Variants in PEMT observed in about 807,000 individuals in gnomAD.
PEMT encodes the protein phosphatidylethanolamine N-methyltransferase, also known as phospholipid methyltransferase.
PEMT carries 23 observed loss-of-function variants against 27.4 expected under a neutral mutation model. The ratio of observed to expected loss-of-function variants is 0.84; its 90% CI spans 0.60 to 1.19. The LOEUF is 1.19. Among genes scored for constraint, PEMT ranks in the 50% most tolerant of loss-of-function variants. The probability of loss-of-function intolerance (pLI) is 0.00; values close to 1 mark genes in which losing one functional copy is unlikely to be tolerated. For missense variants in PEMT, 307 were observed against 310.1 expected, an observed-to-expected ratio of 0.99 and a Z score of 0.07; for synonymous variants, 137 against 139.1, an observed-to-expected ratio of 0.98 and a Z score of 0.11.
In PEMT at chr17:17,582,137, C is replaced by G; in HGVS notation, c.97-5110G>C. The G allele has an allele frequency of 2.3e-6, 1 of 427,104 alleles. No homozygotes were observed. Among genetic ancestry groups the G allele is most frequent in the Non-Finnish European group, 3.1e-6 (1 of 319,678 alleles). 26.5% of individuals were successfully genotyped at this position (427,104 alleles called of 1,614,324 possible). ...CCAAAGGGCGGTCTCCCATCCACTC[C>G]CAGCCCCAACCTCCTTCATACAACA... is the stretch of plus-strand genomic sequence containing the variant. On this transcript the variant is annotated intron_variant, in intron 1 of 6. Coordinates refer to ENST00000255389, the MANE Select transcript of PEMT (RefSeq NM_148172.3). This position sits in a 1 kb window ranked among gnomAD's most constrained non-coding sequence, Gnocchi z 4.9.
chr17:17,526,442 C>G (rs59311865), intron 2 of PEMT, among the ~76,000 whole-genome samples: 2,836 of 152,366 alleles, frequency 0.019, 97 homozygotes, highest in African/African-American at 0.064. Context: ...CAGTACCCCC[C>G]ACCCCGATCC....
chr17:17,591,931 T>C, upstream of PEMT: 11 of 985,394 alleles, frequency 1.1e-5, no homozygotes, highest in South Asian at 4.2e-4. Flanking sequence ...CCAGTGCCTT[T>C]GGTCGCCGGC....
chr17:17,522,475 C>T, intron 2 of PEMT, 80 bp from the exon 3 acceptor site: 2 of 893,476 alleles, frequency 2.2e-6, no homozygotes, highest in Admixed American at 2.0e-5. Context: ...ATGCCTCTCT[C>T]TGCTTCCCAG....
Position 17,567,685 on chromosome 17 carries a change from G to C in PEMT, c.204+9235C>G, listed in dbSNP as rs187491554. Among the ~76,000 whole-genome samples, 381 of 152,360 alleles carry C rather than the reference G, an allele frequency of 2.5e-3. 2 individuals carry two copies. The highest frequency in any genetic ancestry group is 8.5e-3 in the African/African-American group (353 of 41,580). ...CTGTGAGCACAGCCCAGACAGGAGCGGGGGAGAGCTAGGAGGGCCACAGTA... is the reference window on the plus strand; with the variant it reads ...CTGTGAGCACAGCCCAGACAGGAGCCGGGGAGAGCTAGGAGGGCCACAGTA... On this transcript the variant is annotated intron_variant, in intron 2 of 6. Transcript: ENST00000255389.
chr17:17,574,627 T>C (rs1911458930), intron 2 of PEMT, among the ~76,000 whole-genome samples: 1 of 152,206 alleles, frequency 6.6e-6, no homozygotes, highest in South Asian at 2.1e-4. Context: ...GGCCAAATCT[T>C]ACTGCATCTT....
chr17:17,532,149 G>A (rs994100554), intron 2 of PEMT, among the ~76,000 whole-genome samples: 4 of 152,138 alleles, frequency 2.6e-5, no homozygotes, highest in African/African-American at 9.7e-5. Flanking sequence ...ATGAAAGGAC[G>A]TTCACTCTTA....
chr17:17,579,343 A>C (rs1003783769), intron 1 of PEMT, among the ~76,000 whole-genome samples: 9 of 152,218 alleles, frequency 5.9e-5, no homozygotes, highest in African/African-American at 2.2e-4. Flanking sequence ...AGGTGCAAAC[A>C]ATCATCTCAC....
intron 2 of PEMT, among the ~76,000 whole-genome samples, chr17:17,556,324 C>T (rs1043962150): frequency 3.9e-5 from 6 of 152,134 alleles, no homozygotes; most frequent in East Asian, 1.9e-4. Flanking sequence ...CAGCCAAGGC[C>T]GGAGCCTTCT....
chr17:17,531,001 C>A (rs932924357), intron 2 of PEMT, among the ~76,000 whole-genome samples: 10 of 151,108 alleles, frequency 6.6e-5, no homozygotes, highest in Non-Finnish European at 1.5e-4. Flanking sequence ...CGAGATGGTG[C>A]CACTGCATTC....
intron 2 of PEMT, 143 bp downstream of exon 2, chr17:17,576,777 C>T (rs1355954283): frequency 2.9e-6 from 2 of 688,706 alleles, no homozygotes; most frequent in Admixed American, 2.1e-5. Flanking sequence ...GTACTCCACA[C>T]CAGCCAGCGA....
chr17:17,553,440 C>CCA (rs1909810775), intron 2 of PEMT, among the ~76,000 whole-genome samples: 1 of 152,202 alleles, frequency 6.6e-6, no homozygotes, highest in South Asian at 2.1e-4. Context: ...GCGTAGGCAA[C>CCA]CACACACACA....
intron 1 of PEMT, among the ~76,000 whole-genome samples, chr17:17,580,696 C>T (rs990572440): frequency 1.3e-5 from 2 of 152,190 alleles, no homozygotes. Context: ...TCCCACTCCC[C>T]ATTCCCCATT....
At chr17:17,546,459 C>T (rs935857452) in intron 2 of PEMT, among the ~76,000 whole-genome samples, 3 of 152,234 alleles carry the variant, frequency 2.0e-5, no homozygotes, top group Admixed American at 2.0e-4. Context: ...AAACTGGTGC[C>T]AGGCTGGTGG....
intron 2 of PEMT, among the ~76,000 whole-genome samples, chr17:17,569,181 T>A (rs1159313556): frequency 6.6e-6 from 1 of 152,172 alleles, no homozygotes; most frequent in African/African-American, 2.4e-5. Flanking sequence ...GATACAGACA[T>A]AAGGCCTGCT....
intron 2 of PEMT, among the ~76,000 whole-genome samples, chr17:17,572,088 C>T (rs1911245925): frequency 6.6e-6 from 1 of 152,208 alleles, no homozygotes; most frequent in South Asian, 2.1e-4. Flanking sequence ...CCCACGGTTG[C>T]CCCAGGGCAG....
At chr17:17,514,180 C>A (rs577791973) in intron 3 of PEMT, among the ~76,000 whole-genome samples, 2 of 152,354 alleles carry the variant, frequency 1.3e-5, no homozygotes, top group East Asian at 3.9e-4. Context: ...TCGTTCCATT[C>A]ATTGGTGAAT....
At chr17:17,573,084 G>C (rs1899501083) in intron 2 of PEMT, among the ~76,000 whole-genome samples, 1 of 152,216 alleles carries the variant, frequency 6.6e-6, no homozygotes, top group Admixed American at 6.5e-5. Context: ...AGCTACTCAG[G>C]AGGCTGAGGC....
At chr17:17,581,154 G>C (rs1374832767) in intron 1 of PEMT, among the ~76,000 whole-genome samples, 1 of 152,160 alleles carries the variant, frequency 6.6e-6, no homozygotes, top group Non-Finnish European at 1.5e-5. Flanking sequence ...ATCTTCCTGA[G>C]TGTAAATGAT....
At chr17:17,577,406 C>G in intron 1 of PEMT, 3 of 943,148 alleles carry the variant, frequency 3.2e-6, no homozygotes, top group Non-Finnish European at 4.0e-6. Flanking sequence ...AAGAGATGCT[C>G]AACCTACCAG....
Sources: allele counts gnomAD v4.1 joint callset (sites outside exome capture counted in the v4.1 genomes callset), GRCh38; gene constraint gnomAD v4.1.1; non-coding constraint Gnocchi (gnomAD v3.1); transcripts MANE v1.5; gene names NCBI Gene and HGNC (gene_info 2026-07-23, HGNC 2026-07-21).